The following SOX6 variants were observed in gnomAD, a reference collection of about 807,000 sequenced individuals.
SOX6 encodes the protein transcription factor SOX-6.
Under a neutral mutation model 97.8 loss-of-function variants are expected in SOX6, and 11 were observed. The ratio of observed to expected loss-of-function variants is 0.11; its 90% CI spans 0.07 to 0.19. SOX6 has a LOEUF of 0.19. SOX6 is among the 10% of genes least tolerant of loss of function. SOX6 has a pLI of 1.00. For missense variants in SOX6, 810 were observed against 1,039.5 expected (o/e 0.78, Z 3.04); for synonymous variants, 360 against 371.4 (o/e 0.97, Z 0.35).
At chr11:16,077,744 G>A (rs1848388698) in intron 9 of SOX6, among the ~76,000 whole-genome samples, 3 of 152,126 alleles carry the variant, frequency 2.0e-5, no homozygotes, top group African/African-American at 4.8e-5. Context: ...CTTACAAGTA[G>A]GAGCTAAACT....
intron 4 of SOX6, among the ~76,000 whole-genome samples, chr11:16,517,624 T>A (rs957952510): frequency 6.6e-6 from 1 of 152,174 alleles, no homozygotes; most frequent in Non-Finnish European, 1.5e-5. Context: ...AACCTATACA[T>A]TTAACATCTA....
intron 6 of SOX6, among the ~76,000 whole-genome samples, chr11:16,141,902 G>A (rs1004104310): frequency 6.6e-6 from 1 of 152,150 alleles, no homozygotes; most frequent in Non-Finnish European, 1.5e-5. Context: ...AGGCCTGCCT[G>A]CCTCTGTAGA....
chr11:16,049,183 T>C (rs1847618240), intron 11 of SOX6, among the ~76,000 whole-genome samples: 1 of 152,118 alleles, frequency 6.6e-6, no homozygotes, highest in Non-Finnish European at 1.5e-5. Flanking sequence ...AAAACCCATG[T>C]TTTTTCCTCC....
intron 3 of SOX6, among the ~76,000 whole-genome samples, chr11:16,269,089 T>G (rs182487518): frequency 2.6e-3 from 395 of 150,876 alleles, no homozygotes; most frequent in African/African-American, 9.4e-3. Flanking sequence ...TTCTTTTCTA[T>G]AGTATTAAGT....
chr11:16,262,098 A>C (rs3985603), intron 3 of SOX6, among the ~76,000 whole-genome samples: 118,807 of 151,926 alleles, frequency 0.78, 46,600 homozygotes, highest in Non-Finnish European at 0.8. Flanking sequence ...TTAATCCTCT[A>C]TTCAAATTTG....
intron 3 of SOX6, among the ~76,000 whole-genome samples, chr11:16,244,516 T>C (rs1853279673): frequency 6.6e-6 from 1 of 151,822 alleles, no homozygotes; most frequent in Non-Finnish European, 1.5e-5. Context: ...CTTTTCAATA[T>C]CACAAAGATT....
At chr11:15,987,210 G>T (rs1014350295) in intron 14 of SOX6, among the ~76,000 whole-genome samples, 2 of 152,052 alleles carry the variant, frequency 1.3e-5, no homozygotes, top group Non-Finnish European at 2.9e-5. Context: ...TGAATAAAGC[G>T]GTAACAGCTG....
chr11:16,036,366 A>T (rs1019462519), intron 12 of SOX6, among the ~76,000 whole-genome samples: 3 of 152,322 alleles, frequency 2.0e-5, no homozygotes, highest in African/African-American at 7.2e-5. Context: ...GGTGTGAGCC[A>T]CTGCACCCGG....
chr11:16,264,155 AT>A (rs1853995156), intron 3 of SOX6, among the ~76,000 whole-genome samples: 1 of 151,836 alleles, frequency 6.6e-6, no homozygotes, highest in Admixed American at 6.6e-5. Flanking sequence ...TCAACTACTA[AT>A]CCCCATCCCA....
At chr11:16,178,995 T>A (rs1461290448) in intron 6 of SOX6, among the ~76,000 whole-genome samples, 2 of 151,850 alleles carry the variant, frequency 1.3e-5, no homozygotes, top group Non-Finnish European at 2.9e-5. Flanking sequence ...AATATATATC[T>A]ATTATTATTA....
chr11:16,574,490 G>C (rs1434406734), intron 4 of SOX6, among the ~76,000 whole-genome samples: 1 of 152,094 alleles, frequency 6.6e-6, no homozygotes, highest in African/African-American at 2.4e-5. Context: ...ATCTTCAGGT[G>C]TATTCAAGGT....
chr11:16,049,468 C>T (rs12099171), intron 11 of SOX6, among the ~76,000 whole-genome samples: 3,953 of 152,168 alleles, frequency 0.026, 168 homozygotes, highest in African/African-American at 0.09. Flanking sequence ...GAAAAATTAT[C>T]TCAGTGTCAA....
chr11:16,220,279 A>T (rs758236061), intron 4 of SOX6, among the ~76,000 whole-genome samples: 2 of 152,038 alleles, frequency 1.3e-5, no homozygotes, highest in Non-Finnish European at 2.9e-5. Flanking sequence ...AAGCAAAATT[A>T]TATAGAAAAC....
intron 1 of SOX6, among the ~76,000 whole-genome samples, chr11:16,444,342 A>G (rs2078354308): frequency 6.6e-6 from 1 of 152,218 alleles, no homozygotes; most frequent in Non-Finnish European, 1.5e-5. Flanking sequence ...TAGTAATTAC[A>G]GTATTATTAT....
intron 3 of SOX6, among the ~76,000 whole-genome samples, chr11:16,667,188 C>T (rs976304661): frequency 4.0e-5 from 6 of 151,784 alleles, no homozygotes; most frequent in African/African-American, 1.2e-4. Context: ...TGCAGTGAAC[C>T]GAGATCACAC....
intron 1 of SOX6, among the ~76,000 whole-genome samples, chr11:16,352,534 A>G (rs1856976760): frequency 6.6e-6 from 1 of 152,154 alleles, no homozygotes; most frequent in Non-Finnish European, 1.5e-5. Flanking sequence ...TTAAGGTCAT[A>G]CCTAGTAAAT....
chr11:16,546,193 T>G (rs559039120), intron 4 of SOX6, among the ~76,000 whole-genome samples: 34 of 151,934 alleles, frequency 2.2e-4, no homozygotes, highest in African/African-American at 8.2e-4. Context: ...ATGAAAGAAA[T>G]TGAAAAGGAC....
At position 16,157,633 on chromosome 11, in the gene SOX6, A is replaced by G. The variant is rs1288624755; in HGVS notation, c.777+26253T>C. Among the ~76,000 whole-genome samples the G allele has an allele frequency of 2.0e-5, 3 of 151,980 alleles. No homozygotes were observed. In the East Asian group the frequency reaches 5.8e-4, roughly 29 times the overall value. ...AATGTCATCCCATTCTCTTGCTTATATCCTTTAAACTATTGTTCTTAATTG... is the reference window on the plus strand; with the variant it reads ...AATGTCATCCCATTCTCTTGCTTATGTCCTTTAAACTATTGTTCTTAATTG... On this transcript the variant is annotated intron_variant, in intron 6 of 15. Coordinates refer to ENST00000683767, the MANE Select transcript of SOX6 (RefSeq NM_001367873.1).
chr11:16,721,226 C>T (rs1848258706), intron 2 of SOX6, among the ~76,000 whole-genome samples: 1 of 152,068 alleles, frequency 6.6e-6, no homozygotes, highest in Non-Finnish European at 1.5e-5. Context: ...GGTTAGAGGC[C>T]CCACTCAGAA....
Sources: allele counts gnomAD v4.1 joint callset (sites outside exome capture counted in the v4.1 genomes callset), GRCh38; gene constraint gnomAD v4.1.1; transcripts MANE v1.5; gene names NCBI Gene and HGNC (gene_info 2026-07-23, HGNC 2026-07-21).